Variants in SGCG observed in about 807,000 individuals in gnomAD.
SGCG encodes the protein gamma-sarcoglycan.
In SGCG, 26 loss-of-function variants were observed where a neutral mutation model predicts 29.3. The ratio of observed to expected loss-of-function variants is 0.89; its 90% CI spans 0.65 to 1.23. The LOEUF (loss-of-function observed/expected upper bound fraction) is 1.23. SGCG is among the 50% of genes most tolerant of loss of function. SGCG has a pLI of 0.00. For missense variants in SGCG, 353 were observed against 356.0 expected, an observed-to-expected ratio of 0.99 and a Z score of 0.07; for synonymous variants, 145 against 129.7, an observed-to-expected ratio of 1.12 and a Z score of -0.80.
chr13:23,198,827 C>T (rs1877620820), intron 1 of SGCG, among the ~76,000 whole-genome samples: 2 of 130,954 alleles, frequency 1.5e-5, no homozygotes, highest in Admixed American at 8.8e-5. Context: ...GCCTGGGCAA[C>T]AAAGCGAGAC....
At chr13:23,306,527 TC>T (rs1882366777) in intron 6 of SGCG, among the ~76,000 whole-genome samples, 1 of 152,212 alleles carries the variant, frequency 6.6e-6, no homozygotes, top group Non-Finnish European at 1.5e-5. Flanking sequence ...CCTGTTGTTT[TC>T]ATGGTTTTAT....
chr13:23,231,095 T>C (rs1424518443), intron 2 of SGCG, among the ~76,000 whole-genome samples: 1 of 152,234 alleles, frequency 6.6e-6, no homozygotes, highest in Non-Finnish European at 1.5e-5. Context: ...TATTTATTGA[T>C]GTGCATATGT....
chr13:23,317,727 T>C (rs1490689194), intron 6 of SGCG, among the ~76,000 whole-genome samples: 2 of 152,200 alleles, frequency 1.3e-5, no homozygotes, highest in East Asian at 3.9e-4. Flanking sequence ...AGTTGTATTA[T>C]GTTGGGTGTA....
intron 2 of SGCG, among the ~76,000 whole-genome samples, chr13:23,212,115 A>T (rs1878247016): frequency 6.6e-6 from 1 of 152,026 alleles, no homozygotes; most frequent in African/African-American, 2.4e-5. Context: ...TTCCACCATG[A>T]TTATAAGTTT....
intron 3 of SGCG, among the ~76,000 whole-genome samples, chr13:23,241,158 A>G (rs1879493109): frequency 6.7e-6 from 1 of 150,202 alleles, no homozygotes; most frequent in African/African-American, 2.4e-5. Flanking sequence ...CAAAAAAAAA[A>G]AAAAAGAAGA....
chr13:23,271,832 G>T (rs9580587), intron 4 of SGCG, among the ~76,000 whole-genome samples: 17,329 of 152,168 alleles, frequency 0.11, 1,234 homozygotes, highest in African/African-American at 0.19. Context: ...TTATTCAAGT[G>T]TCTTTCAGAA....
At chr13:23,271,573 C>A (rs1020943402) in intron 4 of SGCG, among the ~76,000 whole-genome samples, 20 of 152,320 alleles carry the variant, frequency 1.3e-4, no homozygotes, top group African/African-American at 4.3e-4. Context: ...ATACCACATT[C>A]TTTTAATTAT....
chr13:23,281,883 G>A (rs1352045712), intron 5 of SGCG, among the ~76,000 whole-genome samples: 10 of 152,168 alleles, frequency 6.6e-5, no homozygotes, highest in South Asian at 4.1e-4. Flanking sequence ...GCCAGTATCC[G>A]TCTATGGCCC....
rs114521933 is a variant in SGCG at position 23,311,167 on chromosome 13, G to A, written c.579-9470G>A. ...ATCTAGGCTGACAATAATTTTACAC[G>A]AGTATTTTAAAATATATTACTCATT... On this transcript the variant is annotated intron_variant, in intron 6 of 7. Transcript: ENST00000218867. Among the ~76,000 whole-genome samples the A allele has an allele frequency of 8.6e-3, 1,307 of 152,192 alleles. 22 individuals carry two copies. Among genetic ancestry groups the A allele is most frequent in the African/African-American group, 0.03 (1,226 of 41,532 alleles).
Position 23,234,592 on chromosome 13 carries a change from T to C in SGCG, c.196-19T>C, listed in dbSNP as rs1420326823. The C allele has an allele frequency of 1.3e-6, 2 of 1,489,318 alleles. No individual in the cohort carries two copies. 92.3% of individuals were successfully genotyped at this position (1,489,318 alleles called of 1,614,324 possible). A position where few individuals can be genotyped will look rare whatever the true frequency, so the allele number is the denominator to read the frequency against. Reference sequence around the variant, plus strand: ...AAGCAATAAAAATATACGCATTGTCTCTTTTTTTTTTTTAACAGGCAGGAA... The same window carrying C: ...AAGCAATAAAAATATACGCATTGTCCCTTTTTTTTTTTTAACAGGCAGGAA... On this transcript the variant is annotated intron_variant, in intron 2 of 7. Transcript: ENST00000218867.
the SGCG span, among the ~76,000 whole-genome samples, chr13:23,171,552 T>A: frequency 6.6e-6 from 1 of 152,202 alleles, no homozygotes; most frequent in Non-Finnish European, 1.5e-5. Flanking sequence ...GGCATCTGCA[T>A]CTGACTTTTT....
At chr13:23,205,321 C>T (rs957071917) in intron 2 of SGCG, among the ~76,000 whole-genome samples, 1 of 152,026 alleles carries the variant, frequency 6.6e-6, no homozygotes, top group African/African-American at 2.4e-5. Context: ...GAGAGTGAAG[C>T]AGTGTTAAAG....
intron 4 of SGCG, among the ~76,000 whole-genome samples, chr13:23,272,578 A>G (rs1414424336): frequency 6.6e-6 from 1 of 152,128 alleles, no homozygotes; most frequent in Non-Finnish European, 1.5e-5. Context: ...TTTTGCATTC[A>G]TGAGTAATAC....
At chr13:23,182,142 T>G (rs1169486044) in intron 1 of SGCG, among the ~76,000 whole-genome samples, 2 of 152,218 alleles carry the variant, frequency 1.3e-5, no homozygotes, top group African/African-American at 4.8e-5. Context: ...AAAATGAAAT[T>G]GTTCCATATT....
chr13:23,252,837 G>GA (rs1880028206), intron 4 of SGCG, among the ~76,000 whole-genome samples: 2 of 152,118 alleles, frequency 1.3e-5, no homozygotes, highest in Admixed American at 6.5e-5. Context: ...TTTCATAGAT[G>GA]AAAAAACTGA....
At chr13:23,193,434 A>G (rs879431324) in intron 1 of SGCG, among the ~76,000 whole-genome samples, 5 of 152,140 alleles carry the variant, frequency 3.3e-5, no homozygotes, top group African/African-American at 9.7e-5. Flanking sequence ...GTTGGAGTGG[A>G]GCAGGGGCAG....
chr13:23,181,326 T>A (rs998441194), intron 1 of SGCG, among the ~76,000 whole-genome samples: 3 of 152,218 alleles, frequency 2.0e-5, no homozygotes, highest in Non-Finnish European at 4.4e-5. Context: ...CTAACATTTT[T>A]AATTTGTAGA....
intron 7 of SGCG, among the ~76,000 whole-genome samples, chr13:23,322,347 G>T (rs903483195): frequency 6.6e-6 from 1 of 152,186 alleles, no homozygotes; most frequent in African/African-American, 2.4e-5. Context: ...CAGCGAGCTG[G>T]ACTGGAAAAC....
intron 1 of SGCG, among the ~76,000 whole-genome samples, chr13:23,190,410 A>G (rs1877197180): frequency 6.6e-6 from 1 of 152,194 alleles, no homozygotes; most frequent in South Asian, 2.1e-4. Context: ...TATACATGCT[A>G]TGCAGTAATA....
Sources: allele counts gnomAD v4.1 joint callset (sites outside exome capture counted in the v4.1 genomes callset), GRCh38; gene constraint gnomAD v4.1.1; transcripts MANE v1.5; gene names NCBI Gene and HGNC (gene_info 2026-07-23, HGNC 2026-07-21).